Variants in CRADD observed in about 807,000 individuals in gnomAD.
The protein encoded by CRADD is death domain-containing protein CRADD.
Under a neutral mutation model 15.5 loss-of-function variants are expected in CRADD, and 9 were observed. The observed-to-expected ratio is 0.58, with a 90% CI of 0.35 to 1.01. The LOEUF (loss-of-function observed/expected upper bound fraction) is 1.01. Among genes scored for constraint, CRADD ranks in the 50% least tolerant of loss-of-function variants. The pLI is 0.02. For synonymous variants in CRADD, 118 were observed against 107.6 expected, an observed-to-expected ratio of 1.10 and a Z score of -0.60; for missense variants, 227 against 250.3, an observed-to-expected ratio of 0.91 and a Z score of 0.63.
chr12:93,815,961 A>T (rs1421559828), intron 2 of CRADD: 1 of 152,256 alleles, frequency 6.6e-6, no homozygotes, highest in Non-Finnish European at 1.5e-5. Context: ...TAGTAGTGGT[A>T]ATGGTGAAAC....
chr12:93,862,323 G>T (rs995243045), intron 2 of CRADD, among the ~76,000 whole-genome samples: 1 of 152,188 alleles, frequency 6.6e-6, no homozygotes, highest in Non-Finnish European at 1.5e-5. Context: ...CATACACCCC[G>T]AGGATAATTC....
At position 93,850,313 on chromosome 12, in the gene CRADD, T is replaced by C. The variant is rs772181339; in HGVS notation, c.*42T>C. 2 of 1,541,834 alleles carry C rather than the reference T, an allele frequency of 1.3e-6. No individual in the cohort carries two copies. Among genetic ancestry groups the C allele is most frequent in the Non-Finnish European group, 1.7e-6 (2 of 1,146,454 alleles). On this transcript the variant is annotated 3_prime_UTR_variant, in exon 3 of 3. Coordinates refer to ENST00000332896, the MANE Select transcript of CRADD (RefSeq NM_003805.5). The surrounding 1 kb of genome is among the most constrained non-coding windows in gnomAD (Gnocchi z 4.0). ...CGCTGGGGAGTGTGTCCCTGAGTCA[T>C]GTGGGCTGAATCCTGACTTTCACTC...
At chr12:93,852,483 C>G (rs986119851), downstream of CRADD, among the ~76,000 whole-genome samples, 1 of 152,252 alleles carries the variant, frequency 6.6e-6, no homozygotes, top group Non-Finnish European at 1.5e-5. Context: ...GACTTGTTGC[C>G]CTTCACAAGC....
chr12:93,845,785 G>A (rs1958107610), intron 2 of CRADD, among the ~76,000 whole-genome samples: 1 of 151,972 alleles, frequency 6.6e-6, no homozygotes, highest in Non-Finnish European at 1.5e-5. Flanking sequence ...ATTTTTAATT[G>A]TGGTAAAATG....
chr12:93,756,825 G>T (rs1373424571), intron 2 of CRADD, among the ~76,000 whole-genome samples: 1 of 152,058 alleles, frequency 6.6e-6, no homozygotes, highest in Non-Finnish European at 1.5e-5. Flanking sequence ...GGCAGTGCAG[G>T]ACACACAACC....
At chr12:93,841,038 A>G (rs1958041091) in intron 2 of CRADD, among the ~76,000 whole-genome samples, 2 of 152,158 alleles carry the variant, frequency 1.3e-5, no homozygotes, top group South Asian at 4.1e-4. Flanking sequence ...ATTTTTTTCA[A>G]ATTATAGTTA....
intron 2 of CRADD, among the ~76,000 whole-genome samples, chr12:93,765,718 TC>T (rs745699843): frequency 6.6e-6 from 1 of 152,210 alleles, no homozygotes; most frequent in South Asian, 2.1e-4. Flanking sequence ...CATTTTTTTT[TC>T]CTAGTAAAAT....
chr12:93,850,867 T>C (rs1052857562), downstream of CRADD: 8 of 402,026 alleles, frequency 2.0e-5, no homozygotes, highest in African/African-American at 1.7e-4. The surrounding 1 kb of genome is among the most constrained non-coding windows in gnomAD (Gnocchi z 4.0). Context: ...ATAGTAACAG[T>C]GAAATGGTTA....
rs1184833722 is a variant in CRADD, at chr12:93,689,939, G to A, written c.298+10867G>A. Among the ~76,000 whole-genome samples, 4 of 152,200 alleles carry A rather than the reference G, an allele frequency of 2.6e-5. No individual in the cohort carries two copies. In the East Asian group the frequency reaches 7.7e-4, roughly 29 times the overall value. Reference sequence around the variant, plus strand: ...AGAAACACTTTATAGATGAGGAAACGAAGGGATATCCAAGTCTAACAGCAT... The same window carrying A: ...AGAAACACTTTATAGATGAGGAAACAAAGGGATATCCAAGTCTAACAGCAT... On this transcript the variant is annotated intron_variant, in intron 2 of 2. Coordinates refer to ENST00000332896, the MANE Select transcript of CRADD (RefSeq NM_003805.5).
downstream of CRADD, chr12:93,850,767 G>C (rs1232783917): frequency 1.9e-5 from 19 of 980,572 alleles, no homozygotes; most frequent in Non-Finnish European, 2.3e-5. The surrounding 1 kb of genome is among the most constrained non-coding windows in gnomAD (Gnocchi z 4.0). Flanking sequence ...GTACCGTGTT[G>C]GGTTTTTTTT....
intron 2 of CRADD, among the ~76,000 whole-genome samples, chr12:93,745,062 C>T (rs1396173076): frequency 6.6e-6 from 1 of 152,196 alleles, no homozygotes; most frequent in Non-Finnish European, 1.5e-5. Flanking sequence ...GCCACTTACT[C>T]ATATCTAAAA....
At chr12:93,757,355 C>T (rs1956902898) in intron 2 of CRADD, among the ~76,000 whole-genome samples, 1 of 152,152 alleles carries the variant, frequency 6.6e-6, no homozygotes, top group Non-Finnish European at 1.5e-5. Flanking sequence ...TATGTGGCTG[C>T]CCCAAGAGTC....
At chr12:93,852,657 C>G (rs1437433851), downstream of CRADD, among the ~76,000 whole-genome samples, 1 of 152,212 alleles carries the variant, frequency 6.6e-6, no homozygotes, top group Non-Finnish European at 1.5e-5. Flanking sequence ...CCTAACAGAA[C>G]TGGGGAGGTG....
intron 2 of CRADD, among the ~76,000 whole-genome samples, chr12:93,845,026 C>G (rs1335690359): frequency 6.6e-6 from 1 of 152,120 alleles, no homozygotes; most frequent in African/African-American, 2.4e-5. Flanking sequence ...TAGGAAGGCA[C>G]CTGGGGAGGC....
chr12:93,747,994 A>AAT (rs901322479), intron 2 of CRADD, among the ~76,000 whole-genome samples: 33 of 151,896 alleles, frequency 2.2e-4, no homozygotes, highest in Admixed American at 1.0e-3. Flanking sequence ...TGGAGAAAAA[A>AAT]ATATATATAT....
chr12:93,778,983 G>C (rs1957170421), intron 2 of CRADD, among the ~76,000 whole-genome samples: 1 of 152,120 alleles, frequency 6.6e-6, no homozygotes, highest in Admixed American at 6.5e-5. Flanking sequence ...AACACAGCCT[G>C]TTCTCTTGTC....
chr12:93,865,976 T>C (rs757889326), intron 2 of CRADD, among the ~76,000 whole-genome samples: 40 of 152,202 alleles, frequency 2.6e-4, no homozygotes, highest in Non-Finnish European at 5.6e-4. Flanking sequence ...TTCTGCAGAA[T>C]TACTTCTCGT....
chr12:93,874,142 A>G (rs2137068368), intron 2 of CRADD, among the ~76,000 whole-genome samples: 1 of 151,828 alleles, frequency 6.6e-6, no homozygotes, highest in Non-Finnish European at 1.5e-5. Flanking sequence ...GGTCTGTTAA[A>G]GTTTTGGGTT....
chr12:93,728,118 A>G (rs944738899), intron 2 of CRADD, among the ~76,000 whole-genome samples: 1 of 152,216 alleles, frequency 6.6e-6, no homozygotes, highest in African/African-American at 2.4e-5. Flanking sequence ...TGTTCAATAC[A>G]TGTTTGTTAA....
Sources: gnomAD v4.1 joint callset for allele counts (sites outside exome capture counted in the v4.1 genomes callset) on GRCh38, gnomAD v4.1.1 for gene constraint, Gnocchi (gnomAD v3.1) non-coding constraint, MANE v1.5 for transcripts, NCBI Gene and HGNC (gene_info 2026-07-23, HGNC 2026-07-21) for gene names.